GPLD1: variants seen among roughly 807,000 people sequenced by gnomAD.
The protein encoded by GPLD1 is glycosylphosphatidylinositol specific phospholipase D1, also known as phosphatidylinositol-glycan-specific phospholipase D.
A neutral mutation model predicts 112.6 loss-of-function variants in GPLD1; 84 were observed. That is an observed-to-expected ratio of 0.75 (90% CI 0.63 to 0.89). The LOEUF is 0.89. Among genes scored for constraint, GPLD1 ranks in the 40% least tolerant of loss-of-function variants. The probability of loss-of-function intolerance (pLI) is 0.00; values close to 1 mark genes in which losing one functional copy is unlikely to be tolerated. For synonymous variants in GPLD1, 386 were observed against 403.8 expected (o/e 0.96, Z 0.53); for missense variants, 1,044 against 1,051.5 (o/e 0.99, Z 0.10).
chr6:24,466,992 T>C, intron 8 of GPLD1, 53 bp from the exon 9 acceptor site: 3 of 1,484,400 alleles, frequency 2.0e-6, no homozygotes, highest in South Asian at 2.3e-5. Context: ...AACAGAGAAA[T>C]GAAGCAAATA....
At chr6:24,435,016 C>CT (rs574602048) in intron 22 of GPLD1, among the ~76,000 whole-genome samples, 8,634 of 134,052 alleles carry the variant, frequency 0.064, 640 homozygotes, top group African/African-American at 0.18. Flanking sequence ...ATATTAATTT[C>CT]TTTTTTTTTT....
chr6:24,465,204 AAAAAAAAAAG>A (rs1436977487), intron 10 of GPLD1, among the ~76,000 whole-genome samples: 12 of 139,334 alleles, frequency 8.6e-5, no homozygotes, highest in African/African-American at 2.8e-4. Flanking sequence ...CTCAAAAAAA[AAAAAAAAAAG>A]AAAAGAAAAG....
At chr6:24,448,280 A>G (rs932997577) in intron 15 of GPLD1, 72 bp from the exon 16 acceptor site, 33 of 1,032,090 alleles carry the variant, frequency 3.2e-5, no homozygotes, top group Non-Finnish European at 4.9e-5. Context: ...AACAGAAGAT[A>G]AAAAGGACTG....
intron 7 of GPLD1, among the ~76,000 whole-genome samples, chr6:24,470,044 G>A (rs1320573091): frequency 6.6e-6 from 1 of 152,064 alleles, no homozygotes; most frequent in African/African-American, 2.4e-5. Context: ...AAAAAACCCT[G>A]GGAGGTAAGC....
chr6:24,475,826 C>G (rs1010951094), intron 4 of GPLD1, among the ~76,000 whole-genome samples: 5 of 151,996 alleles, frequency 3.3e-5, no homozygotes, highest in African/African-American at 7.3e-5. Context: ...CCACTGCACT[C>G]CAGCCTGGGT....
intron 18 of GPLD1, among the ~76,000 whole-genome samples, chr6:24,446,190 G>A (rs1291717250): frequency 6.6e-6 from 1 of 152,102 alleles, no homozygotes; most frequent in African/African-American, 2.4e-5. Context: ...AGTCTTTAAA[G>A]AGGTGATTAA....
At chr6:24,424,724 A>T (rs968973799), downstream of GPLD1, 3 of 152,234 alleles carry the variant, frequency 2.0e-5, no homozygotes, top group Non-Finnish European at 4.4e-5. Flanking sequence ...AGTAGTGTGC[A>T]TGGAAGATTC....
At chr6:24,482,936 C>T (rs936299606) in intron 2 of GPLD1, among the ~76,000 whole-genome samples, 2 of 151,860 alleles carry the variant, frequency 1.3e-5, no homozygotes, top group African/African-American at 4.8e-5. Context: ...CACAGTGAGA[C>T]CCTATCTCAA....
At chr6:24,437,557 A>G (rs1762621244) in intron 20 of GPLD1, among the ~76,000 whole-genome samples, 2 of 150,944 alleles carry the variant, frequency 1.3e-5, no homozygotes, top group African/African-American at 5.0e-5. Context: ...CCACCTTTTT[A>G]TTTTCTCGTA....
intron 10 of GPLD1, among the ~76,000 whole-genome samples, chr6:24,465,487 C>A (rs767961448): frequency 1.3e-5 from 2 of 152,134 alleles, no homozygotes; most frequent in South Asian, 2.1e-4. Context: ...TTGTAGCGAG[C>A]TGAGATAATG....
At chr6:24,462,827 ATCTACT>A (rs1561845490) in intron 10 of GPLD1, 32 bp from the exon 11 acceptor site, 1 of 1,484,352 alleles carries the variant, frequency 6.7e-7, no homozygotes. Flanking sequence ...TTAGCCATTT[ATCTACT>A]TCTTCACAAG....
chr6:24,439,402 T>C (rs959743398), intron 20 of GPLD1, among the ~76,000 whole-genome samples: 3 of 152,220 alleles, frequency 2.0e-5, no homozygotes, highest in Admixed American at 6.5e-5. Context: ...TTGATATCCC[T>C]CTGAATGATT....
chr6:24,442,012 AAT>A lies in GPLD1; in HGVS notation c.2020+3532_2020+3533del, dbSNP rs1177886191. Among the ~76,000 whole-genome samples the A allele has an allele frequency of 6.1e-5, 9 of 148,404 alleles. No individual in the cohort carries two copies. In the Admixed American group the frequency reaches 6.1e-4, roughly 10 times the overall value. On this transcript the variant is annotated intron_variant, in intron 20 of 24. Transcript: ENST00000230036. Reference sequence around the variant, plus strand: ...TATATAGACACATACATGTATATATAATATATACATATTATATACATTTATAT... The same window carrying A: ...TATATAGACACATACATGTATATATAATATACATATTATATACATTTATAT...
At chr6:24,472,071 AATAT>A (rs1459877289) in intron 7 of GPLD1, among the ~76,000 whole-genome samples, 1 of 152,250 alleles carries the variant, frequency 6.6e-6, no homozygotes, top group Non-Finnish European at 1.5e-5. Flanking sequence ...TAGAAGCCAG[AATAT>A]ATAAATACTC....
chr6:24,470,859 A>G (rs1036177569), intron 7 of GPLD1, among the ~76,000 whole-genome samples: 2 of 152,144 alleles, frequency 1.3e-5, no homozygotes, highest in Non-Finnish European at 2.9e-5. Flanking sequence ...TCACCCTCCC[A>G]AAGTGCTGGG....
At chr6:24,472,477 T>C in intron 7 of GPLD1, 105 bp downstream of exon 7, 1 of 698,748 alleles carries the variant, frequency 1.4e-6, no homozygotes, top group Non-Finnish European at 2.6e-6. Flanking sequence ...AATTTACCAG[T>C]GCAGAAGACT....
rs79373595 is a variant in GPLD1 at position 24,448,093 on chromosome 6, G to A, written c.1521+41C>T. On this transcript the variant is annotated intron_variant, in intron 16 of 24. Transcript: ENST00000230036. Reference sequence around the variant, plus strand: ...GCCCTGGTGGCAGTTAGGATACAGCGAGTTCTAGGTTTCTGCACCTGGCTA... The same window carrying A: ...GCCCTGGTGGCAGTTAGGATACAGCAAGTTCTAGGTTTCTGCACCTGGCTA... 3.8e-4 allele frequency: 613 copies of A among 1,610,730 alleles called. 3 individuals carry two copies. In the African/African-American group the frequency reaches 4.6e-3, roughly 12 times the overall value.
chr6:24,435,225 A>G (rs866805404), intron 22 of GPLD1, among the ~76,000 whole-genome samples: 2 of 149,906 alleles, frequency 1.3e-5, no homozygotes, highest in Non-Finnish European at 3.0e-5. Flanking sequence ...GTTAGCCAGG[A>G]TGGTCTCGAT....
intron 18 of GPLD1, among the ~76,000 whole-genome samples, chr6:24,446,166 C>T (rs112290771): frequency 0.033 from 5,061 of 152,108 alleles, 80 homozygotes; most frequent in Middle Eastern, 0.082. Context: ...CTGAATGTGA[C>T]TACTTGAAGA....
Sources: gnomAD v4.1 joint callset for allele counts (sites outside exome capture counted in the v4.1 genomes callset) on GRCh38, gnomAD v4.1.1 for gene constraint, MANE v1.5 for transcripts, NCBI Gene and HGNC (gene_info 2026-07-23, HGNC 2026-07-21) for gene names.